Variants in ASB4 observed in about 807,000 individuals in gnomAD.
ASB4 encodes ankyrin repeat and SOCS box containing 4, also known as ankyrin repeat and SOCS box protein 4.
ASB4 carries 35 observed loss-of-function variants against 38.6 expected under a neutral mutation model. The ratio of observed to expected loss-of-function variants is 0.91; its 90% CI spans 0.69 to 1.20. The LOEUF (loss-of-function observed/expected upper bound fraction) is 1.20, where lower values mean the gene tolerates loss of function less well. Ranked by LOEUF, ASB4 falls within the 50% of genes most tolerant of loss-of-function variation. The probability of loss-of-function intolerance (pLI) is 0.00; values close to 1 mark genes in which losing one functional copy is unlikely to be tolerated. For missense variants in ASB4, 557 were observed against 527.2 expected, an observed-to-expected ratio of 1.06 and a Z score of -0.55; for synonymous variants, 195 against 201.3, an observed-to-expected ratio of 0.97 and a Z score of 0.26.
upstream of ASB4, chr7:95,473,866 A>G (rs1194076453): frequency 6.6e-6 from 1 of 152,186 alleles, no homozygotes; most frequent in Non-Finnish European, 1.5e-5. Context: ...AGAGCAGGGA[A>G]GAGGATTTAC....
At chr7:95,486,807 A>G (rs1480747095) in intron 1 of ASB4, among the ~76,000 whole-genome samples, 1 of 152,248 alleles carries the variant, frequency 6.6e-6, no homozygotes, top group Non-Finnish European at 1.5e-5. Context: ...TCTGTCTTAT[A>G]ACGACCTAAG....
intron 2 of ASB4, among the ~76,000 whole-genome samples, chr7:95,524,056 G>A (rs1288682804): frequency 5.3e-5 from 8 of 152,114 alleles, no homozygotes; most frequent in Non-Finnish European, 2.9e-5. Flanking sequence ...GTGTAAGCTG[G>A]TACAACTGCT....
upstream of ASB4, chr7:95,485,919 T>C: frequency 6.5e-7 from 1 of 1,534,410 alleles, no homozygotes; most frequent in Non-Finnish European, 8.9e-7. Flanking sequence ...GCCTGTTTGC[T>C]CGGTGCTGTT....
intron 2 of ASB4, among the ~76,000 whole-genome samples, chr7:95,526,480 G>A (rs1790738685): frequency 6.6e-6 from 1 of 152,124 alleles, no homozygotes; most frequent in African/African-American, 2.4e-5. Context: ...TAATAAATCT[G>A]CCTTTCTTTA....
intron 1 of ASB4, among the ~76,000 whole-genome samples, chr7:95,489,544 A>T (rs969926626): frequency 1.3e-5 from 2 of 152,212 alleles, no homozygotes; most frequent in African/African-American, 2.4e-5. Context: ...TATTAATTTA[A>T]AGAAACTTTT....
intron 3 of ASB4, among the ~76,000 whole-genome samples, chr7:95,535,487 G>A (rs1053820293): frequency 1.3e-5 from 2 of 152,208 alleles, no homozygotes; most frequent in Non-Finnish European, 2.9e-5. Flanking sequence ...AACAAATTTA[G>A]AAGAGCAGAT....
intron 3 of ASB4, 107 bp downstream of exon 3, chr7:95,528,410 C>T: frequency 6.4e-7 from 1 of 1,563,748 alleles, no homozygotes; most frequent in African/African-American, 1.3e-5. Flanking sequence ...CCTGGGCTAA[C>T]TACCTCTGAT....
chr7:95,476,678 T>C (rs1004231377), upstream of ASB4, among the ~76,000 whole-genome samples: 2 of 152,216 alleles, frequency 1.3e-5, no homozygotes, highest in Non-Finnish European at 2.9e-5. Flanking sequence ...GAAATCACAC[T>C]CTGGTCTTAT....
rs558877903 is a variant in ASB4, at chr7:95,517,342, A to G, written c.488-10471A>G. ...AGCCACCATGCCAGGTCTAGTTTTA[A>G]TAGTTCTTTATGTATTCTAGACACG... On this transcript the variant is annotated intron_variant, in intron 2 of 4. Coordinates refer to ENST00000325885, the MANE Select transcript of ASB4 (RefSeq NM_016116.3). Among the ~76,000 whole-genome samples, 16 of 152,148 alleles carry G rather than the reference A, an allele frequency of 1.1e-4. No individual in the cohort carries two copies. The South Asian group carries it at 3.3e-3, about 32-fold the overall frequency.
intron 2 of ASB4, among the ~76,000 whole-genome samples, chr7:95,518,435 G>A (rs148500378): frequency 1.1e-4 from 16 of 152,344 alleles, no homozygotes; most frequent in African/African-American, 3.6e-4. Flanking sequence ...CAAATGGAGG[G>A]CCTTGATTCT....
Position 95,539,119 on chromosome 7 carries a change from G to C in ASB4, c.*1360G>C, listed in dbSNP as rs1790936728. The stretch of plus-strand genomic sequence containing the variant: ...CTTTTAGATAAGCTCATTGCTCTTA[G>C]CATCATTTTTTAGAGGTTAAAGCAG... On this transcript the variant is annotated 3_prime_UTR_variant, in exon 5 of 5. Coordinates refer to ENST00000325885, the MANE Select transcript of ASB4 (RefSeq NM_016116.3). 6.6e-6 allele frequency: 1 copy of C among 151,908 alleles called. No homozygotes were observed. The highest frequency in any genetic ancestry group is 6.6e-5 in the Admixed American group (1 of 15,234). The allele number at this position is 151,908 out of a possible 1,614,324, so 9.4% of individuals were successfully genotyped here. A position where few individuals can be genotyped will look rare whatever the true frequency, so the allele number is the denominator to read the frequency against.
At position 95,539,277 on chromosome 7, in the gene ASB4, A is replaced by C. The variant is rs1562824577; in HGVS notation, c.*1518A>C. ...AGATATTCCAATAGGCTATCATTTA[A>C]TGTTAACTGGCAATCACCTAACTGG... On this transcript the variant is annotated 3_prime_UTR_variant, in exon 5 of 5. Transcript: ENST00000325885. 6.6e-6 allele frequency: 1 copy of C among 152,190 alleles called. No homozygotes were observed. The highest frequency in any genetic ancestry group is 2.4e-5 in the African/African-American group (1 of 41,452). 9.4% of individuals were successfully genotyped at this position (152,190 alleles called of 1,614,324 possible).
chr7:95,512,780 A>G (rs978123975), intron 2 of ASB4, among the ~76,000 whole-genome samples: 10 of 152,076 alleles, frequency 6.6e-5, no homozygotes, highest in Admixed American at 6.5e-4. Flanking sequence ...CAAGAACTCC[A>G]TTTAGCCCTG....
chr7:95,473,638 T>C (rs1008867209), upstream of ASB4: 1 of 149,108 alleles, frequency 6.7e-6, no homozygotes, highest in African/African-American at 2.5e-5. Context: ...ATTTGGAGAT[T>C]CCTTTTTTTT....
chr7:95,542,763 G>A (rs1216198320), downstream of ASB4: 1 of 152,202 alleles, frequency 6.6e-6, no homozygotes, highest in East Asian at 1.9e-4. Context: ...ACACTAAGTC[G>A]TTTAAGTGAA....
the ASB4 span, among the ~76,000 whole-genome samples, chr7:95,550,037 C>T: frequency 3.3e-5 from 5 of 152,228 alleles, no homozygotes; most frequent in Admixed American, 3.3e-4. Flanking sequence ...GGCTTTGTGA[C>T]CATAATAGGA....
At chr7:95,533,599 C>T (rs1790848538) in intron 3 of ASB4, among the ~76,000 whole-genome samples, 1 of 152,178 alleles carries the variant, frequency 6.6e-6, no homozygotes, top group African/African-American at 2.4e-5. Context: ...ATGCTTTCTT[C>T]ATTTGGTATC....
chr7:95,484,000 A>G (rs11978838), upstream of ASB4, among the ~76,000 whole-genome samples: 2,230 of 149,176 alleles, frequency 0.015, 58 homozygotes, highest in African/African-American at 0.053. Flanking sequence ...ATCTTCAAAA[A>G]TTGTAAAATG....
At chr7:95,484,814 C>T (rs925267145), upstream of ASB4, among the ~76,000 whole-genome samples, 1 of 151,680 alleles carries the variant, frequency 6.6e-6, no homozygotes, top group Non-Finnish European at 1.5e-5. Flanking sequence ...ACTTTTCTCT[C>T]CAACTTTTTA....
Sources: allele counts gnomAD v4.1 joint callset (sites outside exome capture counted in the v4.1 genomes callset), GRCh38; gene constraint gnomAD v4.1.1; transcripts MANE v1.5; gene names NCBI Gene and HGNC (gene_info 2026-07-23, HGNC 2026-07-21).